BAZ2B: variants seen among roughly 807,000 people sequenced by gnomAD.
BAZ2B encodes bromodomain adjacent to zinc finger domain 2B.
BAZ2B carries 91 observed loss-of-function variants against 246.0 expected under a neutral mutation model. The ratio of observed to expected loss-of-function variants is 0.37; its 90% CI spans 0.31 to 0.44. The LOEUF (loss-of-function observed/expected upper bound fraction) is 0.44, where lower values mean the gene tolerates loss of function less well. Among genes scored for constraint, BAZ2B ranks in the 20% least tolerant of loss-of-function variants. The probability of loss-of-function intolerance (pLI) is 1.00; values close to 1 mark genes in which losing one functional copy is unlikely to be tolerated. For missense variants in BAZ2B, 2,332 were observed against 2,533.7 expected, an observed-to-expected ratio of 0.92 and a Z score of 1.71; for synonymous variants, 855 against 860.0, an observed-to-expected ratio of 0.99 and a Z score of 0.10.
chr2:159,412,679 C>A (rs2067007908), intron 13 of BAZ2B, 134 bp from the exon 14 acceptor site: 1 of 781,452 alleles, frequency 1.3e-6, no homozygotes, highest in African/African-American at 1.7e-5. Context: ...TTAGGAATTT[C>A]ATTTTTAAAT....
intron 1 of BAZ2B, among the ~76,000 whole-genome samples, chr2:159,603,023 G>A (rs567258341): frequency 2.0e-5 from 3 of 152,224 alleles, no homozygotes. Context: ...ACTAGTCCCA[G>A]CTACTTGGGA....
At chr2:159,675,444 T>C in the BAZ2B span, among the ~76,000 whole-genome samples, 1 of 152,048 alleles carries the variant, frequency 6.6e-6, no homozygotes, top group South Asian at 2.1e-4. Context: ...TATGAGGGAA[T>C]AAGTTTAAGG....
chr2:159,652,256 C>T, the BAZ2B span, among the ~76,000 whole-genome samples: 1 of 149,748 alleles, frequency 6.7e-6, no homozygotes, highest in East Asian at 1.9e-4. Flanking sequence ...GTTGCCCAGG[C>T]TGGAGTGCAA....
At chr2:159,533,821 T>C (rs1330741074) in intron 2 of BAZ2B, among the ~76,000 whole-genome samples, 1 of 152,196 alleles carries the variant, frequency 6.6e-6, no homozygotes, top group Admixed American at 6.5e-5. Context: ...AGTTTCCATG[T>C]TTAAGCATAT....
At chr2:159,710,936 G>C in the BAZ2B span, 34 of 152,290 alleles carry the variant, frequency 2.2e-4, no homozygotes, top group African/African-American at 7.2e-4. Context: ...TATTATTGGT[G>C]GTTTAGACAT....
At chr2:159,335,177 A>G (rs2065415161) in intron 33 of BAZ2B, among the ~76,000 whole-genome samples, 2 of 152,346 alleles carry the variant, frequency 1.3e-5, no homozygotes, top group African/African-American at 4.8e-5. Flanking sequence ...GGTTTTAATA[A>G]TAATTTTTAG....
chr2:159,482,287 G>A (rs1484285398), intron 2 of BAZ2B, among the ~76,000 whole-genome samples: 1 of 152,010 alleles, frequency 6.6e-6, no homozygotes, highest in Non-Finnish European at 1.5e-5. Flanking sequence ...ACATTATCTG[G>A]GTTCAAACAC....
At chr2:159,415,565 C>CAT (rs758882180) in intron 13 of BAZ2B, among the ~76,000 whole-genome samples, 8 of 151,758 alleles carry the variant, frequency 5.3e-5, no homozygotes, top group Non-Finnish European at 1.0e-4. Flanking sequence ...ATATAGGAGA[C>CAT]ATCTTTTAAA....
Position 159,559,155 on chromosome 2 carries a change from G to C in BAZ2B, c.-45-3290C>G, listed in dbSNP as rs565012658. ...GCTACTCATGAGGCTGAGGTAGGAGGATCACCTGAGCCCAAGGAGGTCAAG... is the reference window on the plus strand; with the variant it reads ...GCTACTCATGAGGCTGAGGTAGGAGCATCACCTGAGCCCAAGGAGGTCAAG... On this transcript the variant is annotated intron_variant, in intron 1 of 36. Transcript: ENST00000392783. Among the ~76,000 whole-genome samples, 20 of 152,134 alleles carry C rather than the reference G, an allele frequency of 1.3e-4. No homozygotes were observed. In the South Asian group the frequency reaches 4.1e-3, roughly 32 times the overall value.
intron 2 of BAZ2B, among the ~76,000 whole-genome samples, chr2:159,550,140 G>A (rs1017625055): frequency 2.6e-5 from 4 of 152,086 alleles, no homozygotes; most frequent in East Asian, 3.9e-4. Context: ...CACCGCATCC[G>A]GCCACAATGG....
chr2:159,491,033 A>G (rs2080395923), intron 2 of BAZ2B, among the ~76,000 whole-genome samples: 1 of 152,190 alleles, frequency 6.6e-6, no homozygotes, highest in Admixed American at 6.5e-5. Flanking sequence ...AAAACCCAGA[A>G]GTTTGCAGGA....
chr2:159,660,949 C>G, the BAZ2B span, among the ~76,000 whole-genome samples: 2 of 152,078 alleles, frequency 1.3e-5, no homozygotes, highest in African/African-American at 4.8e-5. Flanking sequence ...AATTGATATA[C>G]AAAATACACA....
the BAZ2B span, among the ~76,000 whole-genome samples, chr2:159,635,758 C>G: frequency 1.3e-5 from 2 of 152,092 alleles, no homozygotes; most frequent in Admixed American, 1.3e-4. Context: ...TGAAAACATG[C>G]TTAATTGAAA....
At chr2:159,584,841 T>C (rs1221222645) in intron 1 of BAZ2B, among the ~76,000 whole-genome samples, 1 of 152,174 alleles carries the variant, frequency 6.6e-6, no homozygotes, top group African/African-American at 2.4e-5. Context: ...GGTATTGTTG[T>C]TGCAATAGTG....
the BAZ2B span, among the ~76,000 whole-genome samples, chr2:159,659,918 C>T: frequency 1.3e-3 from 204 of 152,280 alleles, no homozygotes; most frequent in Middle Eastern, 6.8e-3. Context: ...ATTAAAGTAT[C>T]ATAATTTCAT....
At chr2:159,377,462 T>A (rs2061518362) in intron 25 of BAZ2B, among the ~76,000 whole-genome samples, 2 of 152,152 alleles carry the variant, frequency 1.3e-5, no homozygotes, top group African/African-American at 4.8e-5. Context: ...CTAACAAGGA[T>A]CTACCTTTGC....
intron 1 of BAZ2B, among the ~76,000 whole-genome samples, chr2:159,585,032 G>GC (rs1348304520): frequency 6.6e-6 from 1 of 152,164 alleles, no homozygotes; most frequent in Non-Finnish European, 1.5e-5. Flanking sequence ...AGAACCATAA[G>GC]CCACTTAAAC....
chr2:159,346,154 A>G (rs1030051111), intron 31 of BAZ2B, among the ~76,000 whole-genome samples: 1 of 152,164 alleles, frequency 6.6e-6, no homozygotes, highest in Non-Finnish European at 1.5e-5. Flanking sequence ...TACTAGCACA[A>G]TAGTTTCAAT....
At chr2:159,371,665 C>T (rs1191224376) in intron 27 of BAZ2B, among the ~76,000 whole-genome samples, 1 of 152,188 alleles carries the variant, frequency 6.6e-6, no homozygotes, top group African/African-American at 2.4e-5. Context: ...CAATCCAATG[C>T]GTACTTTGCT....
Sources: allele counts gnomAD v4.1 joint callset (sites outside exome capture counted in the v4.1 genomes callset), GRCh38; gene constraint gnomAD v4.1.1; transcripts MANE v1.5; gene names NCBI Gene and HGNC (gene_info 2026-07-23, HGNC 2026-07-21).